The following RFTN1 variants were observed in gnomAD, a reference collection of about 807,000 sequenced individuals.
The protein encoded by RFTN1 is raftlin, lipid raft linker 1.
In RFTN1, 26 loss-of-function variants were observed where a neutral mutation model predicts 46.5. That is an observed-to-expected ratio of 0.56 (90% confidence interval 0.41 to 0.78). The LOEUF (loss-of-function observed/expected upper bound fraction) is 0.78, where lower values mean the gene tolerates loss of function less well. Among genes scored for constraint, RFTN1 ranks in the 30% least tolerant of loss-of-function variants. The probability of loss-of-function intolerance (pLI) is 0.00; values close to 1 mark genes in which losing one functional copy is unlikely to be tolerated. For synonymous variants in RFTN1, 261 were observed against 284.2 expected, an observed-to-expected ratio of 0.92 and a Z score of 0.82; for missense variants, 693 against 718.7, an observed-to-expected ratio of 0.96 and a Z score of 0.41.
intron 7 of RFTN1, among the ~76,000 whole-genome samples, chr3:16,357,666 A>T (rs537646322): frequency 6.6e-6 from 1 of 152,180 alleles, no homozygotes; most frequent in Non-Finnish European, 1.5e-5. Context: ...TATGCAAATT[A>T]ATGGAAGACA....
rs1228260128 is a variant in RFTN1 at position 16,356,063 on chromosome 3, C to A, written c.1146+1869G>T. Among the ~76,000 whole-genome samples, 1 of 152,184 alleles carries A rather than the reference C, an allele frequency of 6.6e-6. No homozygotes were observed. Among genetic ancestry groups the A allele is most frequent in the Non-Finnish European group, 1.5e-5 (1 of 68,022 alleles). On this transcript the variant is annotated intron_variant, in intron 7 of 9. Coordinates refer to ENST00000334133, the MANE Select transcript of RFTN1 (RefSeq NM_015150.2). The surrounding 1 kb of genome is among the most constrained non-coding windows in gnomAD (Gnocchi z 4.9). ...TGCCGGCTGCTCAGTCCTTCAGATC[C>A]TCAACTCTTGGCATTTCATATTTCA...
At position 16,504,859 on chromosome 3, in the gene RFTN1, C is replaced by T. The variant is rs186216757; in HGVS notation, c.-9+8583G>A. On this transcript the variant is annotated intron_variant, in intron 1 of 9. Transcript: ENST00000334133. This position sits in a 1 kb window ranked among gnomAD's most constrained non-coding sequence, Gnocchi z 4.4. Reference sequence around the variant, plus strand: ...TCAGCACTTCTGGAAGAATATGCCCCACAGAATGCAGCACCTTGCCCAACA... The same window carrying T: ...TCAGCACTTCTGGAAGAATATGCCCTACAGAATGCAGCACCTTGCCCAACA... Among the ~76,000 whole-genome samples the T allele has an allele frequency of 6.6e-6, 1 of 152,120 alleles. No individual in the cohort carries two copies. The highest frequency in any genetic ancestry group is 2.1e-4 in the South Asian group (1 of 4,818).
At chr3:16,328,679 C>T (rs1365744859) in intron 7 of RFTN1, among the ~76,000 whole-genome samples, 1 of 152,218 alleles carries the variant, frequency 6.6e-6, no homozygotes, top group Non-Finnish European at 1.5e-5. Flanking sequence ...TCTCAGGGCC[C>T]CATCCCAGAC....
chr3:16,359,410 G>A (rs534255554), intron 6 of RFTN1, among the ~76,000 whole-genome samples: 16 of 152,282 alleles, frequency 1.1e-4, no homozygotes, highest in Admixed American at 1.0e-3. Context: ...GAGCCTTTAG[G>A]AAGGTAATTA....
At chr3:16,492,750 C>A (rs914986113) in intron 2 of RFTN1, among the ~76,000 whole-genome samples, 4 of 152,192 alleles carry the variant, frequency 2.6e-5, no homozygotes, top group African/African-American at 7.2e-5. Flanking sequence ...ACAATTAAAA[C>A]CTGTGGAGTT....
rs1241159800 is a variant in RFTN1, at chr3:16,322,796, GA to G, written c.1332+579del. On this transcript the variant is annotated intron_variant, in intron 9 of 9. Coordinates refer to ENST00000334133, the MANE Select transcript of RFTN1 (RefSeq NM_015150.2). The surrounding 1 kb of genome is among the most constrained non-coding windows in gnomAD (Gnocchi z 6.2). ...GGGTAGTTCAGAGTCCGGAGAGGGG[GA>G]AAAGGGCCCTGGGGATCTCTTGAGG... Among the ~76,000 whole-genome samples, 1 of 152,142 alleles carries G rather than the reference GA, an allele frequency of 6.6e-6. No individual in the cohort carries two copies. The highest frequency in any genetic ancestry group is 2.4e-5 in the African/African-American group (1 of 41,430).
In RFTN1 at chr3:16,480,635, G is replaced by A. The variant is rs146558439; in HGVS notation, c.145+13090C>T. Among the ~76,000 whole-genome samples, 54 of 152,202 alleles carry A rather than the reference G, an allele frequency of 3.5e-4. 1 individual carries two copies. The highest frequency in any genetic ancestry group is 1.2e-3 in the African/African-American group (49 of 41,530). On this transcript the variant is annotated intron_variant, in intron 2 of 9. Transcript: ENST00000334133. The surrounding 1 kb of genome is among the most constrained non-coding windows in gnomAD (Gnocchi z 4.3). The stretch of plus-strand genomic sequence containing the variant: ...CCAGATTTGCTTTTGAAAATATTTC[G>A]TAGATAAAATTCAACAGGACTCCTG...
chr3:16,352,986 G>A lies in RFTN1; in HGVS notation c.1146+4946C>T, dbSNP rs2072199137. Among the ~76,000 whole-genome samples the A allele has an allele frequency of 1.3e-5, 2 of 151,700 alleles. No individual in the cohort carries two copies. Among genetic ancestry groups the A allele is most frequent in the South Asian group, 4.2e-4 (2 of 4,798 alleles). ...CACGTGAAGAGAGAGGGAAGCCAGC[G>A]AGACAGGGTGGAATTGGAATGGCAC... On this transcript the variant is annotated intron_variant, in intron 7 of 9. Transcript: ENST00000334133. This position sits in a 1 kb window ranked among gnomAD's most constrained non-coding sequence, Gnocchi z 4.6.
chr3:16,357,809 C>G (rs1307540740), intron 7 of RFTN1, 123 bp downstream of exon 7: 17 of 676,326 alleles, frequency 2.5e-5, no homozygotes, highest in Middle Eastern at 2.5e-4. Flanking sequence ...CTAGGACCTA[C>G]CAGGTCAACT....
Position 16,466,924 on chromosome 3 carries a change from G to T in RFTN1, c.145+26801C>A, listed in dbSNP as rs143337851. 1.0e-3 allele frequency among the ~76,000 whole-genome samples: 158 copies of T among 152,292 alleles called. No homozygotes were observed. The highest frequency in any genetic ancestry group is 1.8e-3 in the Non-Finnish European group (122 of 68,028). ...AAAGGGAGGGAGGATAAAAAGGAAG[G>T]TCACTCTGATTGAAGAGGAGATGGT... On this transcript the variant is annotated intron_variant, in intron 2 of 9. Coordinates refer to ENST00000334133, the MANE Select transcript of RFTN1 (RefSeq NM_015150.2). The surrounding 1 kb of genome is among the most constrained non-coding windows in gnomAD (Gnocchi z 5.6).
intron 2 of RFTN1, among the ~76,000 whole-genome samples, chr3:16,493,037 G>T (rs1348031429): frequency 6.6e-6 from 1 of 152,202 alleles, no homozygotes; most frequent in Non-Finnish European, 1.5e-5. Flanking sequence ...GAGCCCTCTT[G>T]CGAGATGGCA....
chr3:16,317,136 TTTC>T lies in RFTN1; in HGVS notation c.1426_1428del (p.Glu476del), dbSNP rs1377070670. The T allele has an allele frequency of 1.4e-5, 23 of 1,613,666 alleles. No individual in the cohort carries two copies. The highest frequency in any genetic ancestry group is 1.9e-5 in the Non-Finnish European group (22 of 1,179,980). On this transcript the variant is annotated inframe_deletion, in exon 10 of 10. Coordinates refer to ENST00000334133, the MANE Select transcript of RFTN1 (RefSeq NM_015150.2). This position sits in a 1 kb window ranked among gnomAD's most constrained non-coding sequence, Gnocchi z 4.3. ...GACTGGTCTTCTAAGTTCTTCTCAT[TTTC>T]TTCTGCTTGTTGTTTGTCTCTGGCA...
chr3:16,364,179 C>T (rs575905354), intron 6 of RFTN1, among the ~76,000 whole-genome samples: 4 of 152,314 alleles, frequency 2.6e-5, no homozygotes, highest in Admixed American at 6.5e-5. Context: ...CAAGTTGCAG[C>T]GCCATTTAAC....
rs958303117 is a variant in RFTN1 at position 16,421,292 on chromosome 3, T to C, written c.333-11809A>G. Among the ~76,000 whole-genome samples, 3 of 152,096 alleles carry C rather than the reference T, an allele frequency of 2.0e-5. No individual in the cohort carries two copies. The highest frequency in any genetic ancestry group is 2.9e-5 in the Non-Finnish European group (2 of 68,012). On this transcript the variant is annotated intron_variant, in intron 3 of 9. Transcript: ENST00000334133. This position sits in a 1 kb window ranked among gnomAD's most constrained non-coding sequence, Gnocchi z 4.6. ...ATAACACACTTTTCAAAAAGTCTTC[T>C]TGATAATTCCAAATTTCTAAATCAG...
At chr3:16,372,430 G>A (rs541261562) in intron 5 of RFTN1, among the ~76,000 whole-genome samples, 7 of 152,262 alleles carry the variant, frequency 4.6e-5, no homozygotes, top group East Asian at 1.9e-4. Context: ...CTAAGGAAGC[G>A]GTGGGCTCGG....
chr3:16,357,602 A>G (rs1357506643), intron 7 of RFTN1, among the ~76,000 whole-genome samples: 1 of 151,858 alleles, frequency 6.6e-6, no homozygotes, highest in Non-Finnish European at 1.5e-5. Flanking sequence ...TCTGAGTATT[A>G]ACGGAGGCCA....
In RFTN1 at chr3:16,507,834, C is replaced by T. The variant is rs1409973913; in HGVS notation, c.-9+5608G>A. On this transcript the variant is annotated intron_variant, in intron 1 of 9. Transcript: ENST00000334133. This position sits in a 1 kb window ranked among gnomAD's most constrained non-coding sequence, Gnocchi z 7.1. ...ACATACATACATACATACACACACA[C>T]ACACATACACACATATATATACACA... Among the ~76,000 whole-genome samples the T allele has an allele frequency of 2.6e-5, 4 of 151,892 alleles. No homozygotes were observed. Among genetic ancestry groups the T allele is most frequent in the African/African-American group, 9.7e-5 (4 of 41,310 alleles).
rs1031634920 is a variant in RFTN1, at chr3:16,334,409, G to A, written c.1147-7533C>T. Among the ~76,000 whole-genome samples, 4 of 152,110 alleles carry A rather than the reference G, an allele frequency of 2.6e-5. No homozygotes were observed. The highest frequency in any genetic ancestry group is 9.7e-5 in the African/African-American group (4 of 41,386). On this transcript the variant is annotated intron_variant, in intron 7 of 9. Transcript: ENST00000334133. This position sits in a 1 kb window ranked among gnomAD's most constrained non-coding sequence, Gnocchi z 4.3. ...CCTTTGACCCAACAATCTCACTTCT[G>A]GGAATTTAACCTACGTATTAAAAAA...
chr3:16,478,313 C>T (rs534868302), intron 2 of RFTN1, among the ~76,000 whole-genome samples: 2 of 152,188 alleles, frequency 1.3e-5, no homozygotes, highest in African/African-American at 2.4e-5. Context: ...ATATAGAGCC[C>T]GGGGGCCAAA....
Sources: gnomAD v4.1 joint callset for allele counts (sites outside exome capture counted in the v4.1 genomes callset) on GRCh38, gnomAD v4.1.1 for gene constraint, Gnocchi (gnomAD v3.1) non-coding constraint, MANE v1.5 for transcripts, NCBI Gene and HGNC (gene_info 2026-07-23, HGNC 2026-07-21) for gene names.